PCDHGA3: variants seen among roughly 807,000 people sequenced by gnomAD.
The protein encoded by PCDHGA3 is protocadherin gamma subfamily A, 3.
In PCDHGA3, 40 loss-of-function variants were observed where a neutral mutation model predicts 58.5. The ratio of observed to expected loss-of-function variants is 0.68; its 90% confidence interval spans 0.53 to 0.89. The LOEUF (loss-of-function observed/expected upper bound fraction) is 0.89, where lower values mean the gene tolerates loss of function less well. Among genes scored for constraint, PCDHGA3 ranks in the 40% least tolerant of loss-of-function variants. The probability of loss-of-function intolerance (pLI) is 0.00; values close to 1 mark genes in which losing one functional copy is unlikely to be tolerated. For synonymous variants in PCDHGA3, 530 were observed against 525.7 expected, an observed-to-expected ratio of 1.01 and a Z score of -0.11; for missense variants, 1,223 against 1,195.9, an observed-to-expected ratio of 1.02 and a Z score of -0.33.
chr5:141,362,416 G>A, intron 1 of PCDHGA3: 3 of 1,614,008 alleles, frequency 1.9e-6, no homozygotes, highest in Non-Finnish European at 2.5e-6. Context: ...CTCACAATCA[G>A]CCAAGACAGA....
intron 1 of PCDHGA3, among the ~76,000 whole-genome samples, chr5:141,467,954 C>T (rs1467826790): frequency 1.3e-5 from 2 of 152,070 alleles, no homozygotes; most frequent in Admixed American, 6.6e-5. Flanking sequence ...CCACCACACC[C>T]GGCTGCCAGA....
In PCDHGA3 at chr5:141,388,840, C is replaced by A. The variant is rs764876092; in HGVS notation, c.2424+42383C>A. The stretch of plus-strand genomic sequence containing the variant: ...AAAGAATATTCCATAGTTTTGGAAG[C>A]AAGGGACGGTGGAGGAATGATTGCG... On this transcript the variant is annotated intron_variant, in intron 1 of 3. Coordinates refer to ENST00000253812, the MANE Select transcript of PCDHGA3 (RefSeq NM_018916.4). 4 of 1,613,900 alleles carry A rather than the reference C, an allele frequency of 2.5e-6. No homozygotes were observed. The South Asian group carries it at 4.4e-5, about 18-fold the overall frequency.
At chr5:141,419,723 C>G (rs373666366) in intron 1 of PCDHGA3, 1 of 1,613,174 alleles carries the variant, frequency 6.2e-7, no homozygotes, top group African/African-American at 1.3e-5. Context: ...CCTGGGGCTG[C>G]GAACAGGCGA....
chr5:141,399,311 A>G, intron 1 of PCDHGA3: 1 of 1,613,970 alleles, frequency 6.2e-7, no homozygotes, highest in Non-Finnish European at 8.5e-7. Flanking sequence ...TCTTCATCCA[A>G]AAATTCGTAT....
intron 1 of PCDHGA3, among the ~76,000 whole-genome samples, chr5:141,466,670 G>T (rs994949602): frequency 6.6e-6 from 1 of 152,046 alleles, no homozygotes; most frequent in Non-Finnish European, 1.5e-5. Flanking sequence ...TGATTTCACC[G>T]TTCTTCCACT....
chr5:141,416,791 G>C (rs1389798483), intron 1 of PCDHGA3: 1 of 152,166 alleles, frequency 6.6e-6, no homozygotes, highest in Non-Finnish European at 1.5e-5. Flanking sequence ...TCTACTAAAT[G>C]TGGTAGTATA....
At chr5:141,427,492 T>C (rs894605769) in intron 1 of PCDHGA3, 1 of 555,624 alleles carries the variant, frequency 1.8e-6, no homozygotes, top group Non-Finnish European at 3.4e-6. Context: ...TATAAGCTTG[T>C]AACAGATGGG....
intron 1 of PCDHGA3, chr5:141,419,181 A>T (rs769321564): frequency 1.9e-6 from 3 of 1,613,858 alleles, no homozygotes; most frequent in Admixed American, 3.3e-5. Flanking sequence ...ATAACCCTGC[A>T]CATTACTGAC....
intron 1 of PCDHGA3, among the ~76,000 whole-genome samples, chr5:141,368,185 A>G (rs77366155): frequency 0.033 from 4,989 of 152,312 alleles, 94 homozygotes; most frequent in African/African-American, 0.059. Flanking sequence ...ATGACTAAAT[A>G]AGGGGAAAAG....
rs755930967 is a variant in PCDHGA3, at chr5:141,388,629, G to C, written c.2424+42172G>C. On this transcript the variant is annotated intron_variant, in intron 1 of 3. Transcript: ENST00000253812. ...AGTGTTCAGTCAAGACGTATACAGG[G>C]TGAGCCTTTCAGAAAACGTGTACCC... 13 of 1,613,824 alleles carry C rather than the reference G, an allele frequency of 8.1e-6. No individual in the cohort carries two copies. Among genetic ancestry groups the C allele is most frequent in the African/African-American group, 1.3e-5 (1 of 74,914 alleles).
At chr5:141,360,936 CGACCGG>C (rs1761810016) in intron 1 of PCDHGA3, 1 of 1,613,836 alleles carries the variant, frequency 6.2e-7, no homozygotes, top group African/African-American at 1.3e-5. Context: ...TGACAGCCAC[CGACCGG>C]GATGAAGGCA....
At chr5:141,474,997 A>C (rs2154572220) in intron 1 of PCDHGA3, among the ~76,000 whole-genome samples, 1 of 152,376 alleles carries the variant, frequency 6.6e-6, no homozygotes, top group African/African-American at 2.4e-5. Flanking sequence ...ACAATTCTAA[A>C]TGCAGAAAAG....
chr5:141,413,134 G>A, intron 1 of PCDHGA3: 1 of 1,543,438 alleles, frequency 6.5e-7, no homozygotes, highest in South Asian at 1.3e-5. Flanking sequence ...AACACACAAC[G>A]TGTCCAGTGA....
intron 1 of PCDHGA3, chr5:141,421,255 C>A (rs759899934): frequency 1.9e-6 from 3 of 1,607,644 alleles, no homozygotes; most frequent in Non-Finnish European, 2.5e-6. Context: ...GCGCGGGGAC[C>A]GCAGTCGGCT....
intron 1 of PCDHGA3, among the ~76,000 whole-genome samples, chr5:141,381,922 C>A (rs1777762962): frequency 6.9e-6 from 1 of 145,556 alleles, no homozygotes. Context: ...CTCCACCTCC[C>A]GGGTTCAAGC....
intron 1 of PCDHGA3, chr5:141,357,869 A>G: frequency 3.5e-6 from 2 of 565,622 alleles, no homozygotes; most frequent in South Asian, 4.5e-5. Context: ...CTAATTTTAC[A>G]ACTCTGAGCC....
At chr5:141,360,214 G>A in intron 1 of PCDHGA3, 7 of 1,613,376 alleles carry the variant, frequency 4.3e-6, no homozygotes, top group Non-Finnish European at 5.9e-6. Flanking sequence ...TTTGTTCCCC[G>A]GGGCTCTCCC....
rs761347005 is a variant in PCDHGA3, at chr5:141,417,873, G to A, written c.2424+71416G>A. On this transcript the variant is annotated intron_variant, in intron 1 of 3. Coordinates refer to ENST00000253812, the MANE Select transcript of PCDHGA3 (RefSeq NM_018916.4). The stretch of plus-strand genomic sequence containing the variant: ...CCCGAGCGAACGATGGGAGGGAGCT[G>A]CGCGCAGAGGCGCCGGGCCGGCCCG... 4.2e-5 allele frequency: 65 copies of A among 1,555,230 alleles called. 2 individuals are homozygous for A. The Middle Eastern group carries it at 6.4e-3, about 152-fold the overall frequency.
intron 1 of PCDHGA3, chr5:141,415,385 C>T (rs1388093443): frequency 3.7e-6 from 6 of 1,614,228 alleles, no homozygotes; most frequent in Non-Finnish European, 5.1e-6. Flanking sequence ...GGCGGCTTGA[C>T]AGGTGTGTCC....
Sources: allele counts gnomAD v4.1 joint callset (sites outside exome capture counted in the v4.1 genomes callset), GRCh38; gene constraint gnomAD v4.1.1; transcripts MANE v1.5; gene names NCBI Gene and HGNC (gene_info 2026-07-23, HGNC 2026-07-21).